GHR: variants seen among roughly 807,000 people sequenced by gnomAD.
The protein encoded by GHR is growth hormone receptor, also known as GH receptor.
Under a neutral mutation model 67.1 loss-of-function variants are expected in GHR, and 35 were observed. The ratio of observed to expected loss-of-function variants is 0.52; its 90% CI spans 0.40 to 0.69. GHR has a LOEUF of 0.69. GHR is among the 30% of genes least tolerant of loss of function. GHR has a pLI of 0.00. For missense variants in GHR, 792 were observed against 764.6 expected (o/e 1.04, Z -0.42); for synonymous variants, 272 against 269.1 (o/e 1.01, Z -0.10).
rs1273443246 is a variant in GHR at position 42,718,572 on chromosome 5, A to G, written c.1065A>G (p.Glu355=). ...FIELDIDEPD[E]KTEESDTDRL... The stretch of plus-strand genomic sequence containing the variant: ...AGCTAGATATTGATGAGCCAGATGA[A>G]AAGACTGAGGAATCAGACACAGACA... Residue 355 remains glutamate (E), a synonymous_variant, in exon 10 of 10, where the codon GAA becomes GAG. Coordinates refer to ENST00000230882, the MANE Select transcript of GHR (RefSeq NM_000163.5). 7.4e-6 allele frequency: 12 copies of G among 1,614,178 alleles called. No homozygotes were observed. Among genetic ancestry groups the G allele is most frequent in the Non-Finnish European group, 8.5e-6 (10 of 1,180,010 alleles).
At chr5:42,646,216 G>C (rs1754720363) in intron 3 of GHR, 1 of 318,836 alleles carries the variant, frequency 3.1e-6, no homozygotes. Context: ...TGAAGTGTCT[G>C]TCTCTGCTTC....
At chr5:42,693,299 G>A (rs573222616) in intron 4 of GHR, among the ~76,000 whole-genome samples, 32 of 151,954 alleles carry the variant, frequency 2.1e-4, no homozygotes, top group Admixed American at 3.9e-4. Flanking sequence ...ATGCCATCAT[G>A]CCCAGCTAAT....
chr5:42,670,405 A>G (rs1351819197), intron 3 of GHR, among the ~76,000 whole-genome samples: 1 of 152,212 alleles, frequency 6.6e-6, no homozygotes, highest in Non-Finnish European at 1.5e-5. Context: ...TAAGCCCTGA[A>G]ACTATAAAAC....
At chr5:42,680,573 AG>A (rs1756812171) in intron 3 of GHR, among the ~76,000 whole-genome samples, 1 of 151,674 alleles carries the variant, frequency 6.6e-6, no homozygotes, top group South Asian at 2.1e-4. Flanking sequence ...ACACGATCTC[AG>A]CTCACTGCAA....
intron 1 of GHR, among the ~76,000 whole-genome samples, chr5:42,450,205 A>G (rs1743987553): frequency 6.6e-6 from 1 of 152,106 alleles, no homozygotes; most frequent in Non-Finnish European, 1.5e-5. Context: ...TCAGTATCCA[A>G]TTCTTCTTTA....
Position 42,700,021 on chromosome 5 carries a change from T to G in GHR, c.618+19T>G. On this transcript the variant is annotated intron_variant, in intron 6 of 9. Coordinates refer to ENST00000230882, the MANE Select transcript of GHR (RefSeq NM_000163.5). ...GAAAATGGTAAGATGTTGCTACACC[T>G]TACACTTTGACTTTTCTTTCTATTT... The G allele has an allele frequency of 2.0e-6, 3 of 1,498,224 alleles. No individual in the cohort carries two copies. 92.8% of individuals were successfully genotyped at this position (1,498,224 alleles called of 1,614,324 possible).
intron 5 of GHR, among the ~76,000 whole-genome samples, chr5:42,695,347 T>C (rs1260509380): frequency 2.0e-5 from 3 of 152,200 alleles, no homozygotes; most frequent in African/African-American, 7.2e-5. Flanking sequence ...AGTCTTTTCC[T>C]TTAGGATATC....
intron 1 of GHR, among the ~76,000 whole-genome samples, chr5:42,478,026 G>T (rs1042710481): frequency 5.3e-5 from 8 of 151,838 alleles, no homozygotes; most frequent in Non-Finnish European, 1.0e-4. Flanking sequence ...GGTCTAACAT[G>T]TAAGTCTTTA....
At position 42,719,025 on chromosome 5, in the gene GHR, G is replaced by T; in HGVS notation, c.1518G>T (p.Lys506Asn). Residue 506 changes from lysine to asparagine, a missense_variant, in exon 10 of 10, where the codon AAG becomes AAT. Physicochemically the swap from Lys to Asn is moderately conservative, Grantham distance 94 (BLOSUM62 0). Transcript: ENST00000230882. Reference protein sequence around the residue: ...AGSVVLSPGQKNKAGMSQCDM... With the variant: ...AGSVVLSPGQNNKAGMSQCDM... The stretch of plus-strand genomic sequence containing the variant: ...GTGTGGTCCTTTCCCCGGGCCAAAA[G>T]AATAAGGCAGGGATGTCCCAATGTG... 6.8e-6 allele frequency: 11 copies of T among 1,607,208 alleles called. No individual in the cohort carries two copies. The highest frequency in any genetic ancestry group is 8.5e-6 in the Non-Finnish European group (10 of 1,175,644).
chr5:42,605,503 G>A (rs934262406), intron 2 of GHR, among the ~76,000 whole-genome samples: 10 of 152,102 alleles, frequency 6.6e-5, no homozygotes, highest in African/African-American at 2.4e-4. Context: ...AGTGACCAAG[G>A]TAGAGAAACC....
intron 1 of GHR, among the ~76,000 whole-genome samples, chr5:42,480,257 T>C (rs1295599512): frequency 1.3e-5 from 2 of 152,232 alleles, no homozygotes; most frequent in Non-Finnish European, 2.9e-5. Context: ...AGAGACAGTT[T>C]GTTATAATTT....
chr5:42,710,632 T>C (rs1158638544), intron 6 of GHR, among the ~76,000 whole-genome samples: 2 of 152,100 alleles, frequency 1.3e-5, no homozygotes, highest in Non-Finnish European at 2.9e-5. Flanking sequence ...CTTTAAGCCT[T>C]CCAGAGCAAG....
chr5:42,688,854 T>C (rs1398926869), intron 3 of GHR, 36 bp from the exon 4 acceptor site: 1 of 1,607,288 alleles, frequency 6.2e-7, no homozygotes, highest in African/African-American at 1.3e-5. Flanking sequence ...ATGACTCACC[T>C]GATTTCATGC....
intron 2 of GHR, among the ~76,000 whole-genome samples, chr5:42,601,174 C>T (rs747487787): frequency 2.6e-5 from 4 of 151,756 alleles, no homozygotes; most frequent in African/African-American, 4.8e-5. Flanking sequence ...TGATCCGCCC[C>T]GCTCAGCCTC....
chr5:42,583,848 AAAATAAAGATATATATATCTTT>A, intron 2 of GHR, among the ~76,000 whole-genome samples: 1 of 149,670 alleles, frequency 6.7e-6, no homozygotes, highest in Non-Finnish European at 1.5e-5. Context: ...AATCTTGCAA[AAAATAAAGATATATATATCTTT>A]AAATAAAGAT....
At chr5:42,529,826 A>G (rs749753801) in intron 1 of GHR, among the ~76,000 whole-genome samples, 8 of 152,010 alleles carry the variant, frequency 5.3e-5, no homozygotes, top group Non-Finnish European at 8.8e-5. Flanking sequence ...TTAGCATTCC[A>G]TTATTACCTA....
intron 3 of GHR, among the ~76,000 whole-genome samples, chr5:42,674,845 G>T (rs748650636): frequency 6.6e-6 from 1 of 151,986 alleles, no homozygotes; most frequent in Non-Finnish European, 1.5e-5. Context: ...ATATGTGTTT[G>T]CTTCTCTGGG....
intron 1 of GHR, among the ~76,000 whole-genome samples, chr5:42,526,826 G>C (rs1747725766): frequency 6.6e-6 from 1 of 152,152 alleles, no homozygotes; most frequent in Non-Finnish European, 1.5e-5. Flanking sequence ...GTTAAAATCA[G>C]CTAGAGAGCA....
chr5:42,435,458 T>A (rs1743282745), intron 1 of GHR, among the ~76,000 whole-genome samples: 1 of 152,210 alleles, frequency 6.6e-6, no homozygotes, highest in Non-Finnish European at 1.5e-5. Flanking sequence ...GAGAGCCTAC[T>A]TAGGTGAGGT....
Sources: gnomAD v4.1 joint callset for allele counts (sites outside exome capture counted in the v4.1 genomes callset) on GRCh38, gnomAD v4.1.1 for gene constraint, MANE v1.5 for transcripts, NCBI Gene and HGNC (gene_info 2026-07-23, HGNC 2026-07-21) for gene names.